ZFHX3: variants seen among roughly 807,000 people sequenced by gnomAD.
ZFHX3 encodes zinc finger homeobox protein 3.
Under a neutral mutation model 279.1 loss-of-function variants are expected in ZFHX3, and 42 were observed. The observed-to-expected ratio is 0.15, with a 90% CI of 0.12 to 0.19. The LOEUF (loss-of-function observed/expected upper bound fraction) is 0.19, where lower values mean the gene tolerates loss of function less well. Among genes scored for constraint, ZFHX3 ranks in the 10% least tolerant of loss-of-function variants. ZFHX3 has a pLI of 1.00. For missense variants in ZFHX3, 4,981 were observed against 4,754.0 expected (o/e 1.05, Z -1.40); for synonymous variants, 2,293 against 1,957.8 (o/e 1.17, Z -4.52).
chr16:73,362,924 T>C (rs772331898), intron 3 of ZFHX3, among the ~76,000 whole-genome samples: 3 of 152,264 alleles, frequency 2.0e-5, no homozygotes, highest in Non-Finnish European at 4.4e-5. Flanking sequence ...AAGTAACCTA[T>C]AGGACCTAAA....
rs1476430151 is a variant in ZFHX3 at position 72,788,168 on chromosome 16, T to A, written c.10108A>T (p.Ser3370Cys). Residue 3370 changes from serine to cysteine, a missense_variant, in exon 10 of 10, where the codon AGT becomes TGT. Ser to Cys is a moderately radical substitution (Grantham distance 112). This residue lies in a region of ZFHX3 where 1,034 missense variants were observed against 786.0 expected (regional missense o/e 1.32). Coordinates refer to ENST00000268489, the MANE Select transcript of ZFHX3 (RefSeq NM_006885.4). ...TGCTGCTGAATTGCCTCCTGCAGAC[T>A]CTGCTGGTATTGCTGGTACTGCTGC... ...LLQQYQQYQQ[S>C]LQEAIQQQQQ... is the part of the protein sequence containing the mutation. The A allele has an allele frequency of 1.2e-6, 2 of 1,612,280 alleles. No individual in the cohort carries two copies. The highest frequency in any genetic ancestry group is 1.3e-5 in the African/African-American group (1 of 74,872).
rs67349927 is a variant in ZFHX3 at position 73,315,219 on chromosome 16, GAA to G, written c.-1194+3019_-1194+3020del. On this transcript the variant is annotated intron_variant, in intron 4 of 17. Coordinates refer to the ZFHX3 transcript ENST00000641206. ...AAGAGTGAAAACTCCATCTCAAAAA[GAA>G]AAAAAAAAAAAAGAAAAAAGAGCAT... 2.9e-3 allele frequency among the ~76,000 whole-genome samples: 350 copies of G among 121,780 alleles called. 3 individuals are homozygous for G. Among genetic ancestry groups the G allele is most frequent in the Non-Finnish European group, 3.1e-3 (175 of 56,082 alleles). The allele number at this position is 121,780 out of a possible 152,430, so 79.9% of individuals were successfully genotyped here.
At chr16:73,170,278 T>C (rs1967492086) in intron 5 of ZFHX3, among the ~76,000 whole-genome samples, 1 of 134,574 alleles carries the variant, frequency 7.4e-6, no homozygotes, top group Non-Finnish European at 1.5e-5. Flanking sequence ...TCACCCACGT[T>C]GGAGTGCAGT....
intron 2 of ZFHX3, among the ~76,000 whole-genome samples, chr16:73,510,811 T>C (rs1245246177): frequency 6.6e-6 from 1 of 152,248 alleles, no homozygotes; most frequent in Non-Finnish European, 1.5e-5. Context: ...TCTGGCCAAC[T>C]TCTCCCTAAG....
At chr16:73,023,641 C>T (rs1209176383) in intron 1 of ZFHX3, among the ~76,000 whole-genome samples, 1 of 152,214 alleles carries the variant, frequency 6.6e-6, no homozygotes, top group Non-Finnish European at 1.5e-5. Flanking sequence ...TCAGGTAGGA[C>T]CCTCTGCTTT....
At chr16:73,057,993 C>CGGCGGG (rs894253410) in intron 1 of ZFHX3, among the ~76,000 whole-genome samples, 1 of 147,538 alleles carries the variant, frequency 6.8e-6, no homozygotes, top group South Asian at 2.1e-4. Context: ...GGGCCGGGAG[C>CGGCGGG]GGCGGGGGCG....
intron 5 of ZFHX3, among the ~76,000 whole-genome samples, chr16:73,204,817 T>G (rs1330156712): frequency 1.3e-5 from 2 of 152,162 alleles, no homozygotes; most frequent in Non-Finnish European, 2.9e-5. Flanking sequence ...CTCAGCAGGG[T>G]AGTCACGGCT....
At chr16:73,213,350 T>C (rs553665955) in intron 5 of ZFHX3, among the ~76,000 whole-genome samples, 1 of 152,244 alleles carries the variant, frequency 6.6e-6, no homozygotes, top group Non-Finnish European at 1.5e-5. Context: ...CAAGTTTTCC[T>C]TTCCTTCTCT....
exon 8 of ZFHX3, chr16:73,093,287 C>T (rs1322631178): frequency 4.9e-5 from 23 of 466,992 alleles, no homozygotes; most frequent in Admixed American, 1.7e-4. Flanking sequence ...CTTTGCACAT[C>T]GTGTTTGGGT....
intron 1 of ZFHX3, among the ~76,000 whole-genome samples, chr16:72,965,346 G>C (rs1322223284): frequency 6.6e-6 from 1 of 152,212 alleles, no homozygotes. Context: ...TTTCTTGCTT[G>C]AGAGTGATGG....
At chr16:72,790,578 CCAGA>C (rs2035656773) in intron 9 of ZFHX3, 1 of 152,150 alleles carries the variant, frequency 6.6e-6, no homozygotes, top group Non-Finnish European at 1.5e-5. Flanking sequence ...ATTGCCAATC[CCAGA>C]CAAACAGCTG....
At chr16:73,865,879 GGAGGCT>G (rs1268808316) in intron 1 of ZFHX3, among the ~76,000 whole-genome samples, 1 of 151,844 alleles carries the variant, frequency 6.6e-6, no homozygotes, top group Non-Finnish European at 1.5e-5. Context: ...CAGCTACACT[GGAGGCT>G]GAGGCAGGAG....
intron 8 of ZFHX3, among the ~76,000 whole-genome samples, chr16:73,082,084 G>A (rs1051745135): frequency 7.3e-5 from 11 of 151,644 alleles, no homozygotes; most frequent in Non-Finnish European, 1.5e-4. Context: ...TGATCCACCC[G>A]CCTCAGTCTC....
intron 7 of ZFHX3, among the ~76,000 whole-genome samples, chr16:72,800,795 C>A (rs1446841836): frequency 6.6e-6 from 1 of 152,156 alleles, no homozygotes; most frequent in East Asian, 1.9e-4. Flanking sequence ...CCAAGGTATA[C>A]AACATCAGAG....
At chr16:73,647,756 G>A (rs1422231279) in intron 2 of ZFHX3, among the ~76,000 whole-genome samples, 1 of 151,960 alleles carries the variant, frequency 6.6e-6, no homozygotes, top group Non-Finnish European at 1.5e-5. Context: ...AAAAAAGAAG[G>A]AAGAAAATTC....
chr16:73,175,641 T>C (rs1000621382), intron 5 of ZFHX3, among the ~76,000 whole-genome samples: 1 of 152,236 alleles, frequency 6.6e-6, no homozygotes, highest in Non-Finnish European at 1.5e-5. Context: ...TTTACTTCTT[T>C]GAATTTGCCA....
chr16:73,516,828 G>A (rs2019530409), intron 2 of ZFHX3, among the ~76,000 whole-genome samples: 1 of 152,178 alleles, frequency 6.6e-6, no homozygotes, highest in Non-Finnish European at 1.5e-5. Flanking sequence ...AGTTTGGGTG[G>A]ATGGACATTG....
At position 73,756,616 on chromosome 16, in the gene ZFHX3, T is replaced by C. The variant is rs532249029; in HGVS notation, c.-1607-76376A>G. Among the ~76,000 whole-genome samples the C allele has an allele frequency of 7.2e-4, 109 of 152,128 alleles. 4 individuals are homozygous for C. The highest frequency in any genetic ancestry group is 7.1e-3 in the Admixed American group (108 of 15,264). ...CAGGTGCAACCCCTCGGCTGCACAATTAGGTTAGCTGAATCAGAAAGAGTT... is the reference window on the plus strand; with the variant it reads ...CAGGTGCAACCCCTCGGCTGCACAACTAGGTTAGCTGAATCAGAAAGAGTT... On this transcript the variant is annotated intron_variant, in intron 1 of 17. Transcript: ENST00000641206.
intron 1 of ZFHX3, among the ~76,000 whole-genome samples, chr16:73,736,949 T>C (rs72803134): frequency 0.017 from 2,571 of 152,332 alleles, 44 homozygotes; most frequent in Non-Finnish European, 0.023. Context: ...ACAGAGGATA[T>C]GGAGAAGTGT....
Sources: allele counts gnomAD v4.1 joint callset (sites outside exome capture counted in the v4.1 genomes callset), GRCh38; gene constraint gnomAD v4.1.1; regional missense constraint gnomAD v4.1.1; transcripts MANE v1.5; gene names NCBI Gene and HGNC (gene_info 2026-07-23, HGNC 2026-07-21).